Variants in PXDC1 observed in about 807,000 individuals in gnomAD.
PXDC1 encodes PX domain containing 1, also known as PX domain-containing protein 1.
Under a neutral mutation model 24.4 loss-of-function variants are expected in PXDC1, and 13 were observed. That is an observed-to-expected ratio of 0.53 (90% CI 0.35 to 0.85). The LOEUF is 0.85. PXDC1 is among the 40% of genes least tolerant of loss of function. The probability of loss-of-function intolerance (pLI) is 0.01; values close to 1 mark genes in which losing one functional copy is unlikely to be tolerated. For missense variants in PXDC1, 344 were observed against 309.3 expected, an observed-to-expected ratio of 1.11 and a Z score of -0.84; for synonymous variants, 162 against 124.9, an observed-to-expected ratio of 1.30 and a Z score of -1.98.
chr6:3,743,757 A>C (rs1379833613), intron 1 of PXDC1, among the ~76,000 whole-genome samples: 1 of 152,222 alleles, frequency 6.6e-6, no homozygotes, highest in African/African-American at 2.4e-5. Context: ...GTATAACTGT[A>C]CAAGGAGAGC....
At chr6:3,742,528 A>G (rs1270034762) in intron 1 of PXDC1, among the ~76,000 whole-genome samples, 7 of 152,188 alleles carry the variant, frequency 4.6e-5, no homozygotes, top group African/African-American at 1.7e-4. Flanking sequence ...AAACGGAAGC[A>G]GAGCCGCTTC....
At chr6:3,750,479 C>T (rs1760678288) in intron 1 of PXDC1, among the ~76,000 whole-genome samples, 1 of 152,050 alleles carries the variant, frequency 6.6e-6, no homozygotes, top group Non-Finnish European at 1.5e-5. Flanking sequence ...CGCAATTCTT[C>T]CCGTCTCAAT....
intron 1 of PXDC1, chr6:3,738,951 G>A (rs1308279822): frequency 8.5e-6 from 11 of 1,298,548 alleles, no homozygotes; most frequent in South Asian, 1.2e-5. Flanking sequence ...TTGTGTGACC[G>A]AGGCTGATGC....
intron 1 of PXDC1, among the ~76,000 whole-genome samples, chr6:3,740,941 G>A (rs1277098066): frequency 1.3e-5 from 2 of 152,278 alleles, no homozygotes; most frequent in Non-Finnish European, 2.9e-5. Context: ...ATCTCCCTGT[G>A]ACCAGCAACC....
intron 3 of PXDC1, among the ~76,000 whole-genome samples, chr6:3,730,669 A>G (rs959922991): frequency 6.6e-6 from 1 of 152,250 alleles, no homozygotes; most frequent in Non-Finnish European, 1.5e-5. Flanking sequence ...CTCCCAGGTC[A>G]GTTTTCACAA....
chr6:3,736,384 C>T (rs368278034), intron 3 of PXDC1, among the ~76,000 whole-genome samples: 7 of 152,132 alleles, frequency 4.6e-5, no homozygotes, highest in Non-Finnish European at 8.8e-5. Flanking sequence ...CCTCCCTGTC[C>T]ACCAGGCAAG....
chr6:3,741,201 A>G (rs748893221), intron 1 of PXDC1, among the ~76,000 whole-genome samples: 48 of 152,216 alleles, frequency 3.2e-4, no homozygotes, highest in Non-Finnish European at 5.9e-4. Context: ...AGTGGCACTA[A>G]AACTGCTGAG....
At position 3,751,287 on chromosome 6, in the gene PXDC1, G is replaced by A; in HGVS notation, c.245C>T (p.Pro82Leu). The A allele has an allele frequency of 1.3e-6, 2 of 1,521,082 alleles. No homozygotes were observed. The highest frequency in any genetic ancestry group is 2.4e-5 in the South Asian group (2 of 82,290). The allele number at this position is 1,521,082 out of a possible 1,614,324, so 94.2% of individuals were successfully genotyped here. A position where few individuals can be genotyped will look rare whatever the true frequency, so the allele number is the denominator to read the frequency against. Residue 82 changes from proline to leucine, a missense_variant, in exon 1 of 5, where the codon CCG becomes CTG. By Grantham distance (98) the Pro-to-Leu change is moderately conservative (BLOSUM62 -3). Coordinates refer to ENST00000380283, the MANE Select transcript of PXDC1 (RefSeq NM_183373.4). ...CCCCGGCCCCGCACCTTGCCGCAGC[G>A]GCCCCTGCGCCAGTTCGGACCGGTC... ...PEDRSELAQG[P>L]LRQGLVAIKE...
chr6:3,726,956 G>C (rs1760084206), intron 4 of PXDC1, among the ~76,000 whole-genome samples: 2 of 152,250 alleles, frequency 1.3e-5, no homozygotes, highest in African/African-American at 4.8e-5. Flanking sequence ...GGATTTGGCT[G>C]TGTCAGGAAA....
intron 3 of PXDC1, among the ~76,000 whole-genome samples, chr6:3,733,444 G>A (rs1174901760): frequency 6.6e-6 from 1 of 152,194 alleles, no homozygotes. Flanking sequence ...GTGCGTGGGT[G>A]TACCGCCTCG....
rs1760391336 is a variant in PXDC1 at position 3,738,891 on chromosome 6, T to C, written c.257-743A>G. ...CATCACAGGTTCTATCCGTCGGCTT[T>C]GCAGGGATGGGGAAGTAGGTGCCCA... On this transcript the variant is annotated intron_variant, in intron 1 of 4. Transcript: ENST00000380283. 6.1e-6 allele frequency: 8 copies of C among 1,302,692 alleles called. No individual in the cohort carries two copies. In the South Asian group the frequency reaches 9.9e-5, roughly 16 times the overall value. 80.7% of individuals were successfully genotyped at this position (1,302,692 alleles called of 1,614,324 possible). A position where few individuals can be genotyped will look rare whatever the true frequency, so the allele number is the denominator to read the frequency against.
intron 1 of PXDC1, among the ~76,000 whole-genome samples, chr6:3,742,912 G>A (rs1760481137): frequency 6.6e-6 from 1 of 152,212 alleles, no homozygotes; most frequent in Non-Finnish European, 1.5e-5. Context: ...TGAAAACACA[G>A]CGTTGTATCT....
intron 1 of PXDC1, among the ~76,000 whole-genome samples, chr6:3,750,802 G>A (rs1039630954): frequency 6.6e-6 from 1 of 152,160 alleles, no homozygotes; most frequent in African/African-American, 2.4e-5. Flanking sequence ...CGCCCTCCGC[G>A]GGGAGAACTC....
chr6:3,729,986 A>G (rs919792940), intron 3 of PXDC1, among the ~76,000 whole-genome samples: 6 of 152,212 alleles, frequency 3.9e-5, no homozygotes, highest in Non-Finnish European at 7.3e-5. Flanking sequence ...CAGTCCCCCA[A>G]AAAATAGATT....
chr6:3,733,730 A>G (rs1398315547), intron 3 of PXDC1, among the ~76,000 whole-genome samples: 1 of 152,174 alleles, frequency 6.6e-6, no homozygotes, highest in Non-Finnish European at 1.5e-5. Context: ...TGGCTGGTGC[A>G]GACTCCATGG....
chr6:3,728,299 T>A lies in PXDC1; in HGVS notation c.467-637A>T, dbSNP rs772631192. Among the ~76,000 whole-genome samples, 1 of 152,180 alleles carries A rather than the reference T, an allele frequency of 6.6e-6. No individual in the cohort carries two copies. The highest frequency in any genetic ancestry group is 1.5e-5 in the Non-Finnish European group (1 of 68,028). ...TATCCCTCACCCCACGAACCCAAAG[T>A]CCATGATATCATTCTTATGCCTTCG... On this transcript the variant is annotated intron_variant, in intron 3 of 4. Transcript: ENST00000380283. This position sits in a 1 kb window ranked among gnomAD's most constrained non-coding sequence, Gnocchi z 4.0.
At chr6:3,748,367 C>T (rs147468474) in intron 1 of PXDC1, among the ~76,000 whole-genome samples, 1 of 152,084 alleles carries the variant, frequency 6.6e-6, no homozygotes, top group African/African-American at 2.4e-5. Flanking sequence ...AGTGAGAGTG[C>T]GAGGAAAGGG....
chr6:3,751,643 G>T lies in PXDC1; in HGVS notation c.-112C>A. 7.5e-7 allele frequency: 1 copy of T among 1,336,006 alleles called. No individual in the cohort carries two copies. Among genetic ancestry groups the T allele is most frequent in the Non-Finnish European group, 9.5e-7 (1 of 1,048,746 alleles). The allele number at this position is 1,336,006 out of a possible 1,614,324, so 82.8% of individuals were successfully genotyped here. A position where few individuals can be genotyped will look rare whatever the true frequency, so the allele number is the denominator to read the frequency against. ...TCTGTCCGTGGCCGGGGTCGTCCGG[G>T]GTCGGCCCGTCACTCCAAGGAGGCT... On this transcript the variant is annotated 5_prime_UTR_variant, in exon 1 of 5. Coordinates refer to ENST00000380283, the MANE Select transcript of PXDC1 (RefSeq NM_183373.4).
intron 1 of PXDC1, chr6:3,739,084 C>T: frequency 8.5e-7 from 1 of 1,179,624 alleles, no homozygotes. Context: ...CGGAGACTAA[C>T]TTTTTCAGAA....
Sources: allele counts gnomAD v4.1 joint callset (sites outside exome capture counted in the v4.1 genomes callset), GRCh38; gene constraint gnomAD v4.1.1; non-coding constraint Gnocchi (gnomAD v3.1); transcripts MANE v1.5; gene names NCBI Gene and HGNC (gene_info 2026-07-23, HGNC 2026-07-21).